OR5I1: variants seen among roughly 807,000 people sequenced by gnomAD.
OR5I1 encodes olfactory receptor 5I1.
For missense variants in OR5I1, 425 were observed against 367.6 expected, an observed-to-expected ratio of 1.16 and a Z score of -1.28; for synonymous variants, 163 against 145.5, an observed-to-expected ratio of 1.12 and a Z score of -0.87.
chr11:55,936,395 T>C lies in OR5I1; in HGVS notation c.6A>G (p.Glu2=). The part of the protein sequence containing the change: M[E]FTDRNYTLVT... Reference sequence around the variant, plus strand: ...CCAACGTGTAGTTTCTATCTGTAAATTCCATCTTCTGTGTTGTTTTCCTTT... The same window carrying C: ...CCAACGTGTAGTTTCTATCTGTAAACTCCATCTTCTGTGTTGTTTTCCTTT... Residue 2 remains glutamate, a synonymous_variant, in exon 1 of 1, where the codon GAA becomes GAG. Coordinates refer to ENST00000301532, the MANE Select transcript of OR5I1 (RefSeq NM_006637.1). 6.5e-7 allele frequency: 1 copy of C among 1,537,536 alleles called. No homozygotes were observed. Among genetic ancestry groups the C allele is most frequent in the Non-Finnish European group, 8.8e-7 (1 of 1,135,384 alleles).
At position 55,936,291 on chromosome 11, in the gene OR5I1, T is replaced by C. The variant is rs749855755; in HGVS notation, c.110A>G (p.Tyr37Cys). The C allele has an allele frequency of 2.9e-4, 466 of 1,611,518 alleles. 6 individuals are homozygous for C. In the South Asian group the frequency reaches 4.6e-3, roughly 16 times the overall value. Reference protein sequence around the residue: ...IVLFLMFLTLYAIILIGNIGL... With the variant: ...IVLFLMFLTLCAIILIGNIGL... ...AATGTTCCCTATCAGAATTATAGCA[T>C]ACAATGTCAGAAACATGAGGAACAG... Residue 37 changes from tyrosine (Y) to cysteine (C), a missense_variant, in exon 1 of 1, where the codon TAT becomes TGT. Tyr to Cys is a radical substitution (Grantham distance 194). Coordinates refer to ENST00000301532, the MANE Select transcript of OR5I1 (RefSeq NM_006637.1).
Position 55,936,349 on chromosome 11 carries a change from C to G in OR5I1, c.52G>C (p.Gly18Arg). 1.2e-6 allele frequency: 2 copies of G among 1,605,530 alleles called. No homozygotes were observed. The highest frequency in any genetic ancestry group is 1.7e-6 in the Non-Finnish European group (2 of 1,176,154). Residue 18 changes from glycine to arginine, a missense_variant, in exon 1 of 1, where the codon GGT becomes CGT. Transcript: ENST00000301532. ...YTLVTEFILLGFPTRPELQIV... is the reference protein window; with the variant it reads ...YTLVTEFILLRFPTRPELQIV... The stretch of plus-strand genomic sequence containing the variant: ...TGCAGTTCAGGGCGAGTTGGAAAAC[C>G]TAATAGAATAAACTCAGTGACCAAC...
rs1355207993 is a variant in OR5I1, at chr11:55,935,846, G to C, written c.555C>G (p.Pro185=). ...VINHFFCDLP[P]LLKLSCTDTT... ...TGTCAGTGCAGGATAGTTTAAGCAG[G>C]GGAGGGAGGTCACAGAAAAAATGAT... The change falls in exon 1 of 1, where the codon CCC becomes CCG. Residue 185 remains proline (P), a synonymous_variant. Transcript: ENST00000301532. 1 of 1,611,756 alleles carries C rather than the reference G, an allele frequency of 6.2e-7. No homozygotes were observed. Among genetic ancestry groups the C allele is most frequent in the Admixed American group, 1.7e-5 (1 of 59,680 alleles).
Position 55,936,347 on chromosome 11 carries a change from ACCTAAT to A in OR5I1, c.48_53del (p.Leu17_Gly18del). On this transcript the variant is annotated inframe_deletion, in exon 1 of 1. Transcript: ENST00000301532. ...TCTGCAGTTCAGGGCGAGTTGGAAA[ACCTAAT>A]AGAATAAACTCAGTGACCAACGTGT... The A allele has an allele frequency of 6.2e-7, 1 of 1,605,948 alleles. No individual in the cohort carries two copies. The highest frequency in any genetic ancestry group is 8.5e-7 in the Non-Finnish European group (1 of 1,176,316).
In OR5I1 at chr11:55,935,758, T is replaced by C; in HGVS notation, c.643A>G (p.Ile215Val). 6.2e-7 allele frequency: 1 copy of C among 1,609,330 alleles called. No individual in the cohort carries two copies. The highest frequency in any genetic ancestry group is 8.5e-7 in the Non-Finnish European group (1 of 1,177,506). ...GSSVEIICFI[I>V]IIISYFFILL... ...ATGAAAAAGTAGGAGATGATGATGATGATAAAACAAATGATTTCCACTGAG... is the reference window on the plus strand; with the variant it reads ...ATGAAAAAGTAGGAGATGATGATGACGATAAAACAAATGATTTCCACTGAG... The change falls in exon 1 of 1, where the codon ATC (isoleucine) becomes GTC (valine). Residue 215 changes from isoleucine to valine, a missense_variant. Coordinates refer to ENST00000301532, the MANE Select transcript of OR5I1 (RefSeq NM_006637.1).
chr11:55,935,705 A>G lies in OR5I1; in HGVS notation c.696T>C (p.Ser232=), dbSNP rs753555810. 11 of 1,609,660 alleles carry G rather than the reference A, an allele frequency of 6.8e-6. No individual in the cohort carries two copies. The highest frequency in any genetic ancestry group is 6.8e-6 in the Non-Finnish European group (8 of 1,177,802). Residue 232 remains serine (S), a synonymous_variant, in exon 1 of 1, where the codon TCT becomes TCC. Coordinates refer to ENST00000301532, the MANE Select transcript of OR5I1 (RefSeq NM_006637.1). ...FILLSVLKIR[S]FSGRKKTFST... ...AAAAGGTCTTCTTCCTCCCACTGAA[A>G]GAGCGGATCTTTAAGACTGAGAGAA...
chr11:55,935,823 T>C lies in OR5I1; in HGVS notation c.578A>G (p.Asp193Gly), dbSNP rs143763361. ...LPPLLKLSCT[D>G]TTINEWLLST... ...GAGGAGCCACTCATTAATTGTTGTG[T>C]CAGTGCAGGATAGTTTAAGCAGGGG... is the stretch of plus-strand genomic sequence containing the variant. The change falls in exon 1 of 1, where the codon GAC (aspartate) becomes GGC (glycine). Residue 193 changes from aspartate (D) to glycine (G), a missense_variant. Coordinates refer to ENST00000301532, the MANE Select transcript of OR5I1 (RefSeq NM_006637.1). 2 of 1,611,910 alleles carry C rather than the reference T, an allele frequency of 1.2e-6. No homozygotes were observed. Among genetic ancestry groups the C allele is most frequent in the Non-Finnish European group, 1.7e-6 (2 of 1,178,892 alleles).
At position 55,935,458 on chromosome 11, in the gene OR5I1, A is replaced by G; in HGVS notation, c.943T>C (p.Ter315ArgextTer?). 1 of 1,557,924 alleles carries G rather than the reference A, an allele frequency of 6.4e-7. No homozygotes were observed. Among genetic ancestry groups the G allele is most frequent in the Non-Finnish European group, 8.7e-7 (1 of 1,150,882 alleles). The change falls in exon 1 of 1, where the codon TGA (stop) becomes CGA (arginine). Residue 315 changes from the stop codon to arginine (R), a stop_lost. Transcript: ENST00000301532. The stretch of plus-strand genomic sequence containing the variant: ...GATGTATCTTGAGATGCTTTATCTC[A>G]TGAAGAATCTACCTTTGATCTTAGA... ...KVLRSKVDSS[*>R]
chr11:55,935,877 A>G lies in OR5I1; in HGVS notation c.524T>C (p.Val175Ala), dbSNP rs1387074532. The change falls in exon 1 of 1, where the codon GTT becomes GCT. Residue 175 changes from valine (V) to alanine (A), a missense_variant. Physicochemically the swap from Val to Ala is moderately conservative, Grantham distance 64. Coordinates refer to ENST00000301532, the MANE Select transcript of OR5I1 (RefSeq NM_006637.1). ...GAGGTCACAGAAAAAATGATTAATAACATTTTTGTCACAATATTTCAGAAT... is the reference window on the plus strand; with the variant it reads ...GAGGTCACAGAAAAAATGATTAATAGCATTTTTGTCACAATATTTCAGAAT... ...AFILKYCDKNVINHFFCDLPP... is the reference protein window; with the variant it reads ...AFILKYCDKNAINHFFCDLPP... 6.8e-6 allele frequency: 11 copies of G among 1,611,792 alleles called. No homozygotes were observed. The highest frequency in any genetic ancestry group is 9.3e-6 in the Non-Finnish European group (11 of 1,178,886).
Position 55,935,709 on chromosome 11 carries a change from C to A in OR5I1, c.692G>T (p.Arg231Leu). 1.9e-6 allele frequency: 3 copies of A among 1,608,848 alleles called. No individual in the cohort carries two copies. Among genetic ancestry groups the A allele is most frequent in the East Asian group, 2.2e-5 (1 of 44,522 alleles). The change falls in exon 1 of 1, where the codon CGC becomes CTC. Residue 231 changes from arginine to leucine, a missense_variant. By Grantham distance (102) the Arg-to-Leu change is moderately radical. Coordinates refer to ENST00000301532, the MANE Select transcript of OR5I1 (RefSeq NM_006637.1). ...GGTCTTCTTCCTCCCACTGAAAGAG[C>A]GGATCTTTAAGACTGAGAGAAGAAT... The part of the protein sequence containing the change: ...FFILLSVLKI[R>L]SFSGRKKTFS...
Position 55,935,847 on chromosome 11 carries a change from G to T in OR5I1, c.554C>A (p.Pro185His), listed in dbSNP as rs747029703. 2.5e-6 allele frequency: 4 copies of T among 1,611,800 alleles called. No homozygotes were observed. In the South Asian group the frequency reaches 3.3e-5, roughly 13 times the overall value. ...GTCAGTGCAGGATAGTTTAAGCAGG[G>T]GAGGGAGGTCACAGAAAAAATGATT... ...VINHFFCDLP[P>H]LLKLSCTDTT... The change falls in exon 1 of 1, where the codon CCC becomes CAC. Residue 185 changes from proline to histidine, a missense_variant. Transcript: ENST00000301532.
In OR5I1 at chr11:55,936,295, A is replaced by C. The variant is rs111994551; in HGVS notation, c.106T>G (p.Leu36Val). 6 of 1,611,534 alleles carry C rather than the reference A, an allele frequency of 3.7e-6. No individual in the cohort carries two copies. In the African/African-American group the frequency reaches 4.0e-5, roughly 11 times the overall value. ...QIVLFLMFLT[L>V]YAIILIGNIG... ...TTCCCTATCAGAATTATAGCATACA[A>C]TGTCAGAAACATGAGGAACAGGACA... The change falls in exon 1 of 1, where the codon TTG becomes GTG. Residue 36 changes from leucine to valine, a missense_variant. Physicochemically the swap from Leu to Val is conservative, Grantham distance 32. Transcript: ENST00000301532.
rs1044087521 is a variant in OR5I1 at position 55,935,697 on chromosome 11, C to G, written c.704G>C (p.Gly235Ala). Residue 235 changes from glycine (G) to alanine (A), a missense_variant, in exon 1 of 1, where the codon GGG becomes GCG. Gly to Ala is a moderately conservative substitution (Grantham distance 60, BLOSUM62 0). Coordinates refer to ENST00000301532, the MANE Select transcript of OR5I1 (RefSeq NM_006637.1). ...GCATGTAGAAAAGGTCTTCTTCCTC[C>G]CACTGAAAGAGCGGATCTTTAAGAC... ...LSVLKIRSFS[G>A]RKKTFSTCAS... 1.9e-6 allele frequency: 3 copies of G among 1,609,182 alleles called. No individual in the cohort carries two copies. The highest frequency in any genetic ancestry group is 1.3e-5 in the African/African-American group (1 of 74,452).
rs371726026 is a variant in OR5I1 at position 55,935,932 on chromosome 11, T to G, written c.469A>C (p.Ser157Arg). 3.1e-6 allele frequency: 5 copies of G among 1,611,952 alleles called. No individual in the cohort carries two copies. In the African/African-American group the frequency reaches 6.7e-5, roughly 22 times the overall value. ...GCAAAGGATGTGTGAACCAGGGAAC[T>G]CATGTTGCCTCCAAGGTATGACAAG... ...IVLSYLGGNM[S>R]SLVHTSFAFI... Residue 157 changes from serine (S) to arginine (R), a missense_variant, in exon 1 of 1, where the codon AGT becomes CGT. Transcript: ENST00000301532.
Position 55,935,463 on chromosome 11 carries a change from GA to G in OR5I1, c.937del (p.Ser313LeufsTer?), listed in dbSNP as rs1330029853. The G allele has an allele frequency of 1.3e-6, 2 of 1,564,796 alleles. No homozygotes were observed. On this transcript the variant is annotated frameshift_variant, in exon 1 of 1. Transcript: ENST00000301532. LOFTEE classifies it high-confidence loss of function. ...ATCTTGAGATGCTTTATCTCATGAA[GA>G]ATCTACCTTTGATCTTAGAACTTTC... is the stretch of plus-strand genomic sequence containing the variant. ...AEKVLRSKVD[S>X]S
Position 55,936,139 on chromosome 11 carries a change from G to C in OR5I1, c.262C>G (p.Leu88Val), listed in dbSNP as rs745516522. The change falls in exon 1 of 1, where the codon CTC becomes GTC. Residue 88 changes from leucine to valine, a missense_variant. Leu to Val is a conservative substitution (Grantham distance 32, BLOSUM62 1). Coordinates refer to ENST00000301532, the MANE Select transcript of OR5I1 (RefSeq NM_006637.1). ...TAGGAAATAGATTTGTTCTCCGAGAGGAAATTGACCAGCATTTTGGGAACA... is the reference window on the plus strand; with the variant it reads ...TAGGAAATAGATTTGTTCTCCGAGACGAAATTGACCAGCATTTTGGGAACA... ...DIVPKMLVNF[L>V]SENKSISYYG... 4 of 1,612,000 alleles carry C rather than the reference G, an allele frequency of 2.5e-6. No individual in the cohort carries two copies. The highest frequency in any genetic ancestry group is 3.4e-6 in the Non-Finnish European group (4 of 1,178,974).
chr11:55,935,556 A>G lies in OR5I1; in HGVS notation c.845T>C (p.Ile282Thr). 6.2e-7 allele frequency: 1 copy of G among 1,611,262 alleles called. No individual in the cohort carries two copies. The highest frequency in any genetic ancestry group is 8.5e-7 in the Non-Finnish European group (1 of 1,178,412). Residue 282 changes from isoleucine to threonine, a missense_variant, in exon 1 of 1, where the codon ATT becomes ACT. Ile to Thr is a moderately conservative substitution (Grantham distance 89, BLOSUM62 -1). Coordinates refer to ENST00000301532, the MANE Select transcript of OR5I1 (RefSeq NM_006637.1). The stretch of plus-strand genomic sequence containing the variant: ...CAACGGATTCAGCACTGGAATGAAA[A>G]TGGTGTAGAACACTGAGATAATTTT... ...TDKIISVFYTIFIPVLNPLIY... is the reference protein window; with the variant it reads ...TDKIISVFYTTFIPVLNPLIY...
rs1330136001 is a variant in OR5I1 at position 55,935,486 on chromosome 11, T to G, written c.915A>C (p.Lys305Asn). The change falls in exon 1 of 1, where the codon AAA becomes AAC. Residue 305 changes from lysine (K) to asparagine (N), a missense_variant. Coordinates refer to ENST00000301532, the MANE Select transcript of OR5I1 (RefSeq NM_006637.1). ...AAGAATCTACCTTTGATCTTAGAAC[T>G]TTCTCAGCTGCATCCTTTACATCTT... The part of the protein sequence containing the change: ...RNKDVKDAAE[K>N]VLRSKVDSS 1 of 1,594,990 alleles carries G rather than the reference T, an allele frequency of 6.3e-7. No homozygotes were observed. Among genetic ancestry groups the G allele is most frequent in the Admixed American group, 1.7e-5 (1 of 57,584 alleles).
In OR5I1 at chr11:55,936,134, C is replaced by A. The variant is rs763571238; in HGVS notation, c.267G>T (p.Ser89=). The change falls in exon 1 of 1, where the codon TCG becomes TCT. Residue 89 remains serine (S), a synonymous_variant. Coordinates refer to ENST00000301532, the MANE Select transcript of OR5I1 (RefSeq NM_006637.1). ...CATAATAGGAAATAGATTTGTTCTC[C>A]GAGAGGAAATTGACCAGCATTTTGG... The part of the protein sequence containing the change: ...IVPKMLVNFL[S]ENKSISYYGC... 1 of 1,611,912 alleles carries A rather than the reference C, an allele frequency of 6.2e-7. No individual in the cohort carries two copies. Among genetic ancestry groups the A allele is most frequent in the Non-Finnish European group, 8.5e-7 (1 of 1,178,902 alleles).
Sources: allele counts gnomAD v4.1 joint callset, GRCh38; gene constraint gnomAD v4.1.1; transcripts MANE v1.5; gene names NCBI Gene and HGNC (gene_info 2026-07-23, HGNC 2026-07-21).